The following SH3D19 variants were observed in gnomAD, a reference collection of about 807,000 sequenced individuals.
SH3D19 encodes the protein SH3 domain-containing protein 19.
A neutral mutation model predicts 112.1 loss-of-function variants in SH3D19; 58 were observed. The observed-to-expected ratio is 0.52, with a 90% confidence interval of 0.42 to 0.64. SH3D19 has a LOEUF of 0.64. Among genes scored for constraint, SH3D19 ranks in the 30% least tolerant of loss-of-function variants. The probability of loss-of-function intolerance (pLI) is 0.00; values close to 1 mark genes in which losing one functional copy is unlikely to be tolerated. For synonymous variants in SH3D19, 391 were observed against 448.5 expected (o/e 0.87, Z 1.62); for missense variants, 1,090 against 1,263.4 (o/e 0.86, Z 2.08).
chr4:151,134,606 A>T (rs1005248975), intron 15 of SH3D19, among the ~76,000 whole-genome samples: 1 of 152,264 alleles, frequency 6.6e-6, no homozygotes, highest in Admixed American at 6.5e-5. Context: ...GCAGTAAATG[A>T]TGAAACTATC....
At chr4:151,179,117 TA>T (rs895256059) in intron 4 of SH3D19, among the ~76,000 whole-genome samples, 9 of 152,192 alleles carry the variant, frequency 5.9e-5, no homozygotes, top group Non-Finnish European at 1.2e-4. Context: ...AATAAACATT[TA>T]AAAAATCAAC....
chr4:151,204,143 G>GA (rs1362340050), intron 2 of SH3D19, among the ~76,000 whole-genome samples: 5 of 151,596 alleles, frequency 3.3e-5, no homozygotes, highest in Admixed American at 6.6e-5. Context: ...GAAAGTAATA[G>GA]AAAAAAAACC....
intron 1 of SH3D19, chr4:151,226,379 A>G: frequency 9.4e-7 from 1 of 1,063,638 alleles, no homozygotes; most frequent in Non-Finnish European, 1.1e-6. Context: ...CTTTGCTAAC[A>G]CTAGAAGAGA....
Position 151,200,416 on chromosome 4 carries a change from A to C in SH3D19, c.153-12953T>G, listed in dbSNP as rs138044888. Reference sequence around the variant, plus strand: ...TTAAATATAACCATTATTAAAAATTAAGTTATACAAACTTACAATTAAAGT... The same window carrying C: ...TTAAATATAACCATTATTAAAAATTCAGTTATACAAACTTACAATTAAAGT... On this transcript the variant is annotated intron_variant, in intron 2 of 19. Coordinates refer to ENST00000604030, the MANE Select transcript of SH3D19 (RefSeq NM_001378122.1). 3.9e-4 allele frequency among the ~76,000 whole-genome samples: 60 copies of C among 152,366 alleles called. No individual in the cohort carries two copies. The East Asian group carries it at 0.011, about 28-fold the overall frequency.
chr4:151,123,037 A>C (rs1748372150), intron 19 of SH3D19, among the ~76,000 whole-genome samples: 1 of 152,004 alleles, frequency 6.6e-6, no homozygotes. Flanking sequence ...TTTTTAGTAG[A>C]GACAGGGTTT....
intron 1 of SH3D19, among the ~76,000 whole-genome samples, chr4:151,255,791 G>A (rs148336872): frequency 0.037 from 5,649 of 152,314 alleles, 316 homozygotes; most frequent in African/African-American, 0.13. Context: ...TCGGGAGGCC[G>A]AGGCTGGCGG....
intron 2 of SH3D19, among the ~76,000 whole-genome samples, chr4:151,218,926 C>G (rs1050547572): frequency 6.6e-6 from 1 of 152,076 alleles, no homozygotes; most frequent in Non-Finnish European, 1.5e-5. Context: ...TGGTGGCAGG[C>G]CAGATTTGAC....
At chr4:151,152,681 G>A (rs1159879286) in intron 9 of SH3D19, among the ~76,000 whole-genome samples, 1 of 151,434 alleles carries the variant, frequency 6.6e-6, no homozygotes, top group East Asian at 1.9e-4. Flanking sequence ...ACCATGCCTG[G>A]CTAATTTTTG....
At chr4:151,220,915 T>G (rs1262375147) in intron 2 of SH3D19, among the ~76,000 whole-genome samples, 1 of 152,164 alleles carries the variant, frequency 6.6e-6, no homozygotes, top group Non-Finnish European at 1.5e-5. Flanking sequence ...GGGACATCAA[T>G]TTGGGAAATG....
chr4:151,164,627 T>C (rs1475526893), intron 8 of SH3D19, among the ~76,000 whole-genome samples: 1 of 151,764 alleles, frequency 6.6e-6, no homozygotes, highest in African/African-American at 2.4e-5. Flanking sequence ...TCACCCAGGC[T>C]GTAATGCAGT....
chr4:151,315,522 A>G (rs1729900427), intron 1 of SH3D19, among the ~76,000 whole-genome samples: 1 of 152,238 alleles, frequency 6.6e-6, no homozygotes, highest in South Asian at 2.1e-4. Flanking sequence ...CAATGAAATT[A>G]TCTCCCAGAC....
chr4:151,257,590 A>AACC (rs1772030191), intron 1 of SH3D19, among the ~76,000 whole-genome samples: 1 of 151,780 alleles, frequency 6.6e-6, no homozygotes, highest in African/African-American at 2.4e-5. Flanking sequence ...TTATGTTATT[A>AACC]ATCATCATCA....
chr4:151,260,490 C>T (rs1282436597), intron 1 of SH3D19, among the ~76,000 whole-genome samples: 3 of 152,196 alleles, frequency 2.0e-5, no homozygotes, highest in Admixed American at 6.5e-5. Flanking sequence ...AATGCATATA[C>T]CATTCTTGTC....
intron 17 of SH3D19, among the ~76,000 whole-genome samples, chr4:151,131,626 A>T (rs1750729828): frequency 1.3e-5 from 2 of 151,496 alleles, no homozygotes; most frequent in Non-Finnish European, 2.9e-5. Flanking sequence ...AGCTGGGAAT[A>T]CGCGCGCTGG....
At chr4:151,276,649 G>A (rs1773651012) in intron 1 of SH3D19, among the ~76,000 whole-genome samples, 1 of 152,146 alleles carries the variant, frequency 6.6e-6, no homozygotes. Flanking sequence ...TGCTGATCCT[G>A]AGACCACTCT....
intron 1 of SH3D19, among the ~76,000 whole-genome samples, chr4:151,298,405 T>C (rs1775848027): frequency 6.6e-6 from 1 of 152,008 alleles, no homozygotes; most frequent in South Asian, 2.1e-4. Flanking sequence ...CTCAATCTCC[T>C]GATCTCGTGA....
intron 2 of SH3D19, among the ~76,000 whole-genome samples, chr4:151,214,420 G>A (rs1401548975): frequency 2.1e-4 from 3 of 13,968 alleles, no homozygotes; most frequent in Admixed American, 1.5e-3. Flanking sequence ...GGGCAGAGGC[G>A]CCCCTCACCT....
intron 1 of SH3D19, chr4:151,265,973 C>A (rs1440876437): frequency 6.6e-6 from 1 of 152,158 alleles, no homozygotes; most frequent in East Asian, 1.9e-4. Flanking sequence ...GTATTGCCCA[C>A]CCCTTGCCCA....
chr4:151,287,599 T>G (rs1774932107), intron 1 of SH3D19, among the ~76,000 whole-genome samples: 1 of 151,966 alleles, frequency 6.6e-6, no homozygotes, highest in Non-Finnish European at 1.5e-5. Flanking sequence ...TACAAATGGG[T>G]ATGTGGGTTC....
Sources: gnomAD v4.1 joint callset for allele counts (sites outside exome capture counted in the v4.1 genomes callset) on GRCh38, gnomAD v4.1.1 for gene constraint, MANE v1.5 for transcripts, NCBI Gene and HGNC (gene_info 2026-07-23, HGNC 2026-07-21) for gene names.